The following PRELID2 variants were observed in gnomAD, a reference collection of about 807,000 sequenced individuals.
The protein encoded by PRELID2 is PRELI domain containing 2, also known as PRELI domain-containing protein 2.
In PRELID2, 25 loss-of-function variants were observed where a neutral mutation model predicts 28.4. The ratio of observed to expected loss-of-function variants is 0.88; its 90% CI spans 0.64 to 1.23. The LOEUF (loss-of-function observed/expected upper bound fraction) is 1.23, where lower values mean the gene tolerates loss of function less well. PRELID2 is among the 50% of genes most tolerant of loss of function. The pLI is 0.00. For synonymous variants in PRELID2, 76 were observed against 71.6 expected (o/e 1.06, Z -0.31); for missense variants, 201 against 214.4 (o/e 0.94, Z 0.39).
chr5:145,333,025 C>T, the PRELID2 span, among the ~76,000 whole-genome samples: 1 of 152,180 alleles, frequency 6.6e-6, no homozygotes, highest in Non-Finnish European at 1.5e-5. Context: ...CAGTCAAGCC[C>T]CTCTGCTGCA....
the PRELID2 span, chr5:145,429,856 C>A: frequency 6.6e-6 from 1 of 152,324 alleles, no homozygotes; most frequent in Middle Eastern, 3.4e-3. Context: ...TCCATTCTGT[C>A]TCTTAGGGTC....
intron 1 of PRELID2, among the ~76,000 whole-genome samples, chr5:145,712,916 T>C (rs1032013901): frequency 2.0e-5 from 3 of 151,968 alleles, no homozygotes; most frequent in African/African-American, 4.8e-5. Flanking sequence ...AGAATATATT[T>C]GATAGGGTTA....
chr5:145,719,496 CGAGAGAGAGA>C (rs143655188), intron 1 of PRELID2, among the ~76,000 whole-genome samples: 2 of 144,822 alleles, frequency 1.4e-5, no homozygotes, highest in East Asian at 2.0e-4. Context: ...TTTCCCATTA[CGAGAGAGAGA>C]GAGAGAGAGA....
At chr5:145,591,549 T>C (rs1410811706) in intron 1 of PRELID2, among the ~76,000 whole-genome samples, 1 of 152,198 alleles carries the variant, frequency 6.6e-6, no homozygotes, top group Non-Finnish European at 1.5e-5. Flanking sequence ...AGTTTGTATG[T>C]TCATGGCAGT....
chr5:145,679,538 TAC>T (rs1289244537), intron 1 of PRELID2, among the ~76,000 whole-genome samples: 2 of 152,166 alleles, frequency 1.3e-5, no homozygotes, highest in South Asian at 2.1e-4. Flanking sequence ...CTTGCTAGGA[TAC>T]AGTCTTCCAA....
chr5:145,694,337 G>C (rs1755211530), intron 1 of PRELID2, among the ~76,000 whole-genome samples: 2 of 151,942 alleles, frequency 1.3e-5, no homozygotes, highest in Non-Finnish European at 2.9e-5. Context: ...TTTGGGGGAG[G>C]GGGCAGTCTT....
At chr5:145,433,311 C>T in the PRELID2 span, among the ~76,000 whole-genome samples, 2 of 152,132 alleles carry the variant, frequency 1.3e-5, no homozygotes, top group African/African-American at 2.4e-5. Flanking sequence ...GGGTGAGGTG[C>T]GCTGCAGGTG....
At chr5:145,741,948 T>TAAATAAA (rs1756805613) in intron 1 of PRELID2, among the ~76,000 whole-genome samples, 1 of 6,630 alleles carries the variant, frequency 1.5e-4, no homozygotes, top group Non-Finnish European at 8.7e-4. Context: ...AATAAATAAA[T>TAAATAAA]TTATTATAAT....
At chr5:145,706,880 A>G (rs889390003) in intron 1 of PRELID2, among the ~76,000 whole-genome samples, 3 of 152,210 alleles carry the variant, frequency 2.0e-5, no homozygotes, top group African/African-American at 7.2e-5. Flanking sequence ...CCGAGATTCA[A>G]TCACATGCCT....
Position 145,665,200 on chromosome 5 carries a change from G to A in PRELID2, n.70+99731C>T, listed in dbSNP as rs186520529. Among the ~76,000 whole-genome samples, 902 of 152,144 alleles carry A rather than the reference G, an allele frequency of 5.9e-3. 7 individuals are homozygous for A. Among genetic ancestry groups the A allele is most frequent in the Middle Eastern group, 0.048 (14 of 294 alleles). On this transcript the variant is annotated intron_variant and non_coding_transcript_variant, in intron 1 of 2. Coordinates refer to the PRELID2 transcript ENST00000510259. Reference sequence around the variant, plus strand: ...AATACAACCTAAGAATCTAAAGCAAGAGTCAACACAAGAGAGTTTCAGTCC... The same window carrying A: ...AATACAACCTAAGAATCTAAAGCAAAAGTCAACACAAGAGAGTTTCAGTCC...
At chr5:145,251,926 C>T in the PRELID2 span, among the ~76,000 whole-genome samples, 1 of 152,114 alleles carries the variant, frequency 6.6e-6, no homozygotes, top group Non-Finnish European at 1.5e-5. Flanking sequence ...CCTACCCTTT[C>T]CCTCTTGTCT....
intron 5 of PRELID2, among the ~76,000 whole-genome samples, chr5:145,782,107 A>G (rs17103741): frequency 0.088 from 13,339 of 152,178 alleles, 1,418 homozygotes; most frequent in African/African-American, 0.26. Flanking sequence ...AGCAAGTCTC[A>G]TATTAAGTGT....
At chr5:145,604,046 C>CT (rs933087999) in intron 1 of PRELID2, among the ~76,000 whole-genome samples, 1 of 151,434 alleles carries the variant, frequency 6.6e-6, no homozygotes, top group Non-Finnish European at 1.5e-5. Flanking sequence ...ATATAAATAT[C>CT]TTTTTTTTAG....
intron 1 of PRELID2, among the ~76,000 whole-genome samples, chr5:145,545,134 TA>T (rs1167502619): frequency 6.6e-6 from 1 of 152,184 alleles, no homozygotes; most frequent in East Asian, 1.9e-4. Flanking sequence ...AAATGACAGT[TA>T]CCTTATAGGT....
chr5:145,419,626 A>G, the PRELID2 span, among the ~76,000 whole-genome samples: 1 of 151,104 alleles, frequency 6.6e-6, no homozygotes, highest in Non-Finnish European at 1.5e-5. Flanking sequence ...GATTCTGGAT[A>G]TTAGCCCTTT....
At chr5:145,504,276 G>A (rs1236401931) in intron 1 of PRELID2, among the ~76,000 whole-genome samples, 2 of 152,128 alleles carry the variant, frequency 1.3e-5, no homozygotes, top group Admixed American at 6.6e-5. Flanking sequence ...GGAGGTAATA[G>A]AACCCACATT....
the PRELID2 span, among the ~76,000 whole-genome samples, chr5:145,427,149 G>A: frequency 6.6e-6 from 1 of 152,236 alleles, no homozygotes; most frequent in Non-Finnish European, 1.5e-5. Context: ...CTCCTGGAGT[G>A]TTAACAGATG....
the PRELID2 span, among the ~76,000 whole-genome samples, chr5:145,394,466 T>A: frequency 1.3e-5 from 2 of 150,936 alleles, no homozygotes; most frequent in Admixed American, 1.3e-4. Flanking sequence ...TAGCATTAGG[T>A]GATATACCTA....
intron 5 of PRELID2, among the ~76,000 whole-genome samples, chr5:145,768,089 G>A (rs780018289): frequency 1.6e-4 from 25 of 151,978 alleles, no homozygotes; most frequent in Admixed American, 2.0e-4. Context: ...GCTGGGCGTG[G>A]TGGTGGGTGC....
Sources: gnomAD v4.1 joint callset for allele counts (sites outside exome capture counted in the v4.1 genomes callset) on GRCh38, gnomAD v4.1.1 for gene constraint, MANE v1.5 for transcripts, NCBI Gene and HGNC (gene_info 2026-07-23, HGNC 2026-07-21) for gene names.